The following SPOCK3 variants were observed in gnomAD, a reference collection of about 807,000 sequenced individuals.
SPOCK3 encodes SPARC (osteonectin), cwcv and kazal like domains proteoglycan 3.
SPOCK3 carries 30 observed loss-of-function variants against 56.6 expected under a neutral mutation model. The ratio of observed to expected loss-of-function variants is 0.53; its 90% CI spans 0.40 to 0.72. The LOEUF is 0.72. Among genes scored for constraint, SPOCK3 ranks in the 30% least tolerant of loss-of-function variants. SPOCK3 has a pLI of 0.00. For missense variants in SPOCK3, 527 were observed against 530.0 expected (o/e 0.99, Z 0.06); for synonymous variants, 196 against 183.3 (o/e 1.07, Z -0.56).
chr4:167,045,031 G>A (rs1289511993), intron 3 of SPOCK3, among the ~76,000 whole-genome samples: 1 of 152,066 alleles, frequency 6.6e-6, no homozygotes, highest in African/African-American at 2.4e-5. Flanking sequence ...GTACAATAGT[G>A]AATTCAACTA....
chr4:166,748,059 C>T (rs1373544773), intron 8 of SPOCK3, among the ~76,000 whole-genome samples: 3 of 151,898 alleles, frequency 2.0e-5, no homozygotes, highest in Non-Finnish European at 4.4e-5. Context: ...GGCCTTACTG[C>T]CCAAGGTAAT....
chr4:167,082,111 A>G (rs1347800896), intron 2 of SPOCK3, among the ~76,000 whole-genome samples: 5 of 152,156 alleles, frequency 3.3e-5, no homozygotes, highest in Non-Finnish European at 7.4e-5. Flanking sequence ...ATACTTTGGT[A>G]TGAAGAGTTT....
intron 3 of SPOCK3, among the ~76,000 whole-genome samples, chr4:167,018,557 C>T (rs1049936317): frequency 6.6e-6 from 1 of 152,064 alleles, no homozygotes; most frequent in Non-Finnish European, 1.5e-5. Flanking sequence ...GACCAATGCT[C>T]AATTGTTGGT....
intron 2 of SPOCK3, among the ~76,000 whole-genome samples, chr4:167,172,517 G>A (rs1730595160): frequency 6.6e-6 from 1 of 152,022 alleles, no homozygotes; most frequent in Admixed American, 6.6e-5. Flanking sequence ...TCTTCCTTTT[G>A]ATAGTTCACA....
At chr4:167,158,377 C>A (rs1479515764) in intron 2 of SPOCK3, among the ~76,000 whole-genome samples, 1 of 151,806 alleles carries the variant, frequency 6.6e-6, no homozygotes. Context: ...TCATGCCTGG[C>A]CATCAAATGT....
intron 7 of SPOCK3, among the ~76,000 whole-genome samples, chr4:166,770,633 A>C (rs1738805350): frequency 6.6e-6 from 1 of 152,166 alleles, no homozygotes; most frequent in Admixed American, 6.5e-5. Flanking sequence ...AACAGCAATA[A>C]AATAAAATAA....
At chr4:166,785,493 A>G (rs1196827904) in intron 7 of SPOCK3, among the ~76,000 whole-genome samples, 1 of 152,154 alleles carries the variant, frequency 6.6e-6, no homozygotes, top group African/African-American at 2.4e-5. Flanking sequence ...GTTGATTAAA[A>G]TCTCAGATTA....
rs969941818 is a variant in SPOCK3 at position 167,122,170 on chromosome 4, T to C, written c.190-59633A>G. On this transcript the variant is annotated intron_variant, in intron 2 of 10. Coordinates refer to ENST00000357545, the MANE Select transcript of SPOCK3 (RefSeq NM_001040159.2). ...TTTCTCATTCTCTCTCTCTCTCTCT[T>C]TCTCTCTCTTTCTTGAGACAGGGTC... Among the ~76,000 whole-genome samples, 8 of 151,424 alleles carry C rather than the reference T, an allele frequency of 5.3e-5. 1 individual carries two copies. The East Asian group carries it at 1.5e-3, about 29-fold the overall frequency.
At chr4:166,895,381 T>C (rs1268091727) in intron 5 of SPOCK3, among the ~76,000 whole-genome samples, 1 of 151,850 alleles carries the variant, frequency 6.6e-6, no homozygotes, top group African/African-American at 2.4e-5. Flanking sequence ...AAATTAACTA[T>C]ACAGATATAA....
At chr4:167,173,683 G>C (rs1335526987) in intron 2 of SPOCK3, among the ~76,000 whole-genome samples, 1 of 152,074 alleles carries the variant, frequency 6.6e-6, no homozygotes, top group Non-Finnish European at 1.5e-5. Flanking sequence ...ACTGAGTAAT[G>C]GGTACTGTGC....
intron 2 of SPOCK3, among the ~76,000 whole-genome samples, chr4:167,133,867 C>T (rs139149054): frequency 1.5e-3 from 227 of 152,154 alleles, no homozygotes; most frequent in African/African-American, 4.7e-3. Flanking sequence ...CTATAAAAAT[C>T]ACTTGAGAGT....
intron 2 of SPOCK3, among the ~76,000 whole-genome samples, chr4:167,063,684 C>CA (rs2150249333): frequency 6.6e-6 from 1 of 151,982 alleles, no homozygotes; most frequent in South Asian, 2.1e-4. Flanking sequence ...CACACCGTCC[C>CA]ACCCTTCCAA....
rs377315886 is a variant in SPOCK3 at position 166,889,424 on chromosome 4, G to A, written c.475-180C>T. ...CACTTATGTAGAGTATTACTACTTC[G>A]TAAAAGAGGCAGAAATGCAGTTGCT... On this transcript the variant is annotated intron_variant, in intron 5 of 10. Coordinates refer to ENST00000357545, the MANE Select transcript of SPOCK3 (RefSeq NM_001040159.2). Among the ~76,000 whole-genome samples, 44 of 151,934 alleles carry A rather than the reference G, an allele frequency of 2.9e-4. No homozygotes were observed. In the South Asian group the frequency reaches 8.7e-3, roughly 30 times the overall value.
Position 167,058,414 on chromosome 4 carries a change from A to G in SPOCK3, c.235+4078T>C, listed in dbSNP as rs149231478. 4.7e-3 allele frequency among the ~76,000 whole-genome samples: 712 copies of G among 152,264 alleles called. 6 individuals are homozygous for G. Among genetic ancestry groups the G allele is most frequent in the Middle Eastern group, 0.014 (4 of 294 alleles). On this transcript the variant is annotated intron_variant, in intron 3 of 10. Coordinates refer to ENST00000357545, the MANE Select transcript of SPOCK3 (RefSeq NM_001040159.2). Reference sequence around the variant, plus strand: ...TCCCATTCATAAGTGCTTCAAAGAGAATAAAATACCTAGGAATCCAACTTA... The same window carrying G: ...TCCCATTCATAAGTGCTTCAAAGAGGATAAAATACCTAGGAATCCAACTTA...
At chr4:166,890,198 G>A (rs1395668282) in intron 5 of SPOCK3, among the ~76,000 whole-genome samples, 1 of 151,924 alleles carries the variant, frequency 6.6e-6, no homozygotes, top group African/African-American at 2.4e-5. Flanking sequence ...AGATGGTGAT[G>A]ACAGTGCATT....
chr4:166,799,920 G>A (rs1034111917), intron 6 of SPOCK3, among the ~76,000 whole-genome samples: 3 of 152,006 alleles, frequency 2.0e-5, no homozygotes, highest in Non-Finnish European at 4.4e-5. Flanking sequence ...GGTGGCTCAC[G>A]CCTGTAATCC....
chr4:167,073,769 T>A (rs992865279), intron 2 of SPOCK3, among the ~76,000 whole-genome samples: 1 of 151,924 alleles, frequency 6.6e-6, no homozygotes, highest in Non-Finnish European at 1.5e-5. Context: ...ATCTGATGCA[T>A]AGTTGCTATT....
chr4:166,741,098 A>G (rs1734795785), intron 9 of SPOCK3, among the ~76,000 whole-genome samples: 1 of 152,216 alleles, frequency 6.6e-6, no homozygotes, highest in Non-Finnish European at 1.5e-5. Flanking sequence ...CAGAGACATT[A>G]GAGTTATGTG....
intron 3 of SPOCK3, among the ~76,000 whole-genome samples, chr4:167,058,260 C>T (rs1338768899): frequency 6.6e-6 from 1 of 152,194 alleles, no homozygotes; most frequent in Non-Finnish European, 1.5e-5. Context: ...CCCATTGTCT[C>T]AGCTGAAAAT....
Sources: allele counts gnomAD v4.1 joint callset (sites outside exome capture counted in the v4.1 genomes callset), GRCh38; gene constraint gnomAD v4.1.1; transcripts MANE v1.5; gene names NCBI Gene and HGNC (gene_info 2026-07-23, HGNC 2026-07-21).